The following ZFYVE28 variants were observed in gnomAD, a reference collection of about 807,000 sequenced individuals.
ZFYVE28 encodes lateral signaling target protein 2 homolog.
ZFYVE28 carries 40 observed loss-of-function variants against 82.1 expected under a neutral mutation model. That is an observed-to-expected ratio of 0.49 (90% CI 0.38 to 0.63). ZFYVE28 has a LOEUF of 0.63. ZFYVE28 is among the 30% of genes least tolerant of loss of function. The probability of loss-of-function intolerance (pLI) is 0.00; values close to 1 mark genes in which losing one functional copy is unlikely to be tolerated. For synonymous variants in ZFYVE28, 612 were observed against 546.1 expected, an observed-to-expected ratio of 1.12 and a Z score of -1.68; for missense variants, 1,321 against 1,242.1, an observed-to-expected ratio of 1.06 and a Z score of -0.96.
chr4:2,339,773 G>A lies in ZFYVE28; in HGVS notation c.319-118C>T. ...CCCCTCTTCTCACCCCACAGCACAG[G>A]CCAGCTCGTGTTCCCGGTCCCCGCA... On this transcript the variant is annotated intron_variant, in intron 3 of 12. Transcript: ENST00000290974. The surrounding 1 kb of genome is among the most constrained non-coding windows in gnomAD (Gnocchi z 5.0). The A allele has an allele frequency of 1.2e-6, 1 of 857,876 alleles. No individual in the cohort carries two copies. Among genetic ancestry groups the A allele is most frequent in the Non-Finnish European group, 1.8e-6 (1 of 570,108 alleles). The allele number at this position is 857,876 out of a possible 1,614,324, so 53.1% of individuals were successfully genotyped here.
chr4:2,294,119 T>C (rs1312795899), intron 8 of ZFYVE28, among the ~76,000 whole-genome samples: 1 of 149,828 alleles, frequency 6.7e-6, no homozygotes, highest in East Asian at 2.0e-4. Flanking sequence ...AAAATTCACA[T>C]GGAAACAGAA....
chr4:2,278,878 C>T (rs936735253), intron 8 of ZFYVE28, among the ~76,000 whole-genome samples: 1 of 148,944 alleles, frequency 6.7e-6, no homozygotes, highest in Admixed American at 6.7e-5. Context: ...CAGGAAATGC[C>T]AAAAAAATTA....
rs1418142851 is a variant in ZFYVE28 at position 2,320,050 on chromosome 4, C to T, written c.803+120G>A. 4 of 931,344 alleles carry T rather than the reference C, an allele frequency of 4.3e-6. No homozygotes were observed. The highest frequency in any genetic ancestry group is 6.6e-6 in the Non-Finnish European group (4 of 602,904). 57.7% of individuals were successfully genotyped at this position (931,344 alleles called of 1,614,324 possible). On this transcript the variant is annotated intron_variant, in intron 7 of 12. Coordinates refer to ENST00000290974, the MANE Select transcript of ZFYVE28 (RefSeq NM_020972.3). The surrounding 1 kb of genome is among the most constrained non-coding windows in gnomAD (Gnocchi z 5.1). ...CCCCTCCCTAGGGAATATTAACCAG[C>T]CCATCCTTCCTCACAGAGAGGAGGA...
Position 2,270,490 on chromosome 4 carries a change from C to T in ZFYVE28, c.*235G>A, listed in dbSNP as rs1735811517. On this transcript the variant is annotated 3_prime_UTR_variant, in exon 13 of 13. Coordinates refer to ENST00000290974, the MANE Select transcript of ZFYVE28 (RefSeq NM_020972.3). ...CCTGCCCTGAGGCAGCCACCAGGCTCCTCCGGGTCCCCTGCTGGGCAAAGC... is the reference window on the plus strand; with the variant it reads ...CCTGCCCTGAGGCAGCCACCAGGCTTCTCCGGGTCCCCTGCTGGGCAAAGC... 3 of 595,014 alleles carry T rather than the reference C, an allele frequency of 5.0e-6. No homozygotes were observed. The African/African-American group carries it at 5.6e-5, about 11-fold the overall frequency. 36.9% of individuals were successfully genotyped at this position (595,014 alleles called of 1,614,324 possible).
At position 2,273,314 on chromosome 4, in the gene ZFYVE28, C is replaced by T. The variant is rs199806419; in HGVS notation, c.2207-25G>A. 23 of 1,597,602 alleles carry T rather than the reference C, an allele frequency of 1.4e-5. No individual in the cohort carries two copies. The Admixed American group carries it at 3.7e-4, about 26-fold the overall frequency. ...CCTGAGGAAGGAAGGCCACAGTAAC[C>T]ACGACAGAAGGACGGATGGAAGGAA... On this transcript the variant is annotated intron_variant, in intron 9 of 12. Coordinates refer to ENST00000290974, the MANE Select transcript of ZFYVE28 (RefSeq NM_020972.3).
At position 2,305,169 on chromosome 4, in the gene ZFYVE28, G is replaced by C; in HGVS notation, c.1171C>G (p.Arg391Gly). 6.3e-7 allele frequency: 1 copy of C among 1,592,636 alleles called. No individual in the cohort carries two copies. The highest frequency in any genetic ancestry group is 1.3e-5 in the African/African-American group (1 of 74,718). The change falls in exon 8 of 13, where the codon CGG becomes GGG. Residue 391 changes from arginine (R) to glycine (G), a missense_variant. Physicochemically the swap from Arg to Gly is moderately radical, Grantham distance 125. Coordinates refer to ENST00000290974, the MANE Select transcript of ZFYVE28 (RefSeq NM_020972.3). The stretch of plus-strand genomic sequence containing the variant: ...CGCTCCTCCTCGTCACTGCCTGACC[G>C]CAGGCGCGGTCTACCTGGAGAGGCC... Reference protein sequence around the residue: ...GEASPGRPRLRSGSDEEERVF... With the variant: ...GEASPGRPRLGSGSDEEERVF...
At chr4:2,387,278 A>T (rs1245183438) in intron 1 of ZFYVE28, among the ~76,000 whole-genome samples, 2 of 152,220 alleles carry the variant, frequency 1.3e-5, no homozygotes, top group Non-Finnish European at 1.5e-5. Flanking sequence ...CCCCTCAGCC[A>T]GGGCCACCTC....
rs567469793 is a variant in ZFYVE28, at chr4:2,303,132, C to T, written c.2051+1157G>A. Among the ~76,000 whole-genome samples the T allele has an allele frequency of 2.5e-3, 375 of 152,270 alleles. 3 individuals carry two copies. The highest frequency in any genetic ancestry group is 7.0e-3 in the African/African-American group (292 of 41,554). ...GGAACCAGGCCCAGCCCACCCAGCC[C>T]GCAGCACAGGAAAGAGCTGCAGGGA... On this transcript the variant is annotated intron_variant, in intron 8 of 12. Coordinates refer to ENST00000290974, the MANE Select transcript of ZFYVE28 (RefSeq NM_020972.3).
intron 6 of ZFYVE28, among the ~76,000 whole-genome samples, chr4:2,327,215 A>C (rs1719961212): frequency 7.4e-6 from 1 of 135,024 alleles, no homozygotes; most frequent in Non-Finnish European, 1.6e-5. Flanking sequence ...GCACCACTGC[A>C]CTCCAGCCTG....
At chr4:2,385,525 A>T (rs774909790) in intron 1 of ZFYVE28, among the ~76,000 whole-genome samples, 1 of 152,208 alleles carries the variant, frequency 6.6e-6, no homozygotes, top group Non-Finnish European at 1.5e-5. Context: ...GCCAAGCAGC[A>T]AAGCGCCCCT....
At chr4:2,380,240 T>A (rs1424334216) in intron 1 of ZFYVE28, among the ~76,000 whole-genome samples, 10 of 152,226 alleles carry the variant, frequency 6.6e-5, no homozygotes, top group Admixed American at 6.5e-4. Context: ...AGCTGTTGTC[T>A]CTTTGGGTAA....
At chr4:2,358,520 A>T (rs985008130) in intron 1 of ZFYVE28, among the ~76,000 whole-genome samples, 2 of 152,158 alleles carry the variant, frequency 1.3e-5, no homozygotes, top group African/African-American at 4.8e-5. Context: ...GCCGACTCCC[A>T]CCTGCAGAAG....
At chr4:2,358,859 C>T (rs111945506) in intron 1 of ZFYVE28, among the ~76,000 whole-genome samples, 2,209 of 151,918 alleles carry the variant, frequency 0.015, 49 homozygotes, top group African/African-American at 0.051. Context: ...TAGAGTGCAG[C>T]GGTGTGATCA....
Position 2,311,280 on chromosome 4 carries a change from C to T in ZFYVE28, c.804-5744G>A, listed in dbSNP as rs952442203. The stretch of plus-strand genomic sequence containing the variant: ...ATGGCTCACGCTTATAATCCCAGCA[C>T]TTTGGGAGGCCAAGGTGGGCAGATC... On this transcript the variant is annotated intron_variant, in intron 7 of 12. Transcript: ENST00000290974. Among the ~76,000 whole-genome samples, 35 of 152,272 alleles carry T rather than the reference C, an allele frequency of 2.3e-4. 1 individual carries two copies. The highest frequency in any genetic ancestry group is 2.3e-3 in the Admixed American group (35 of 15,292).
At chr4:2,374,226 C>G (rs930951658) in intron 1 of ZFYVE28, among the ~76,000 whole-genome samples, 13 of 152,216 alleles carry the variant, frequency 8.5e-5, no homozygotes, top group Non-Finnish European at 1.6e-4. Flanking sequence ...AACCAGAACC[C>G]ATGCAGAGAT....
At chr4:2,281,504 G>T (rs968804596) in intron 8 of ZFYVE28, among the ~76,000 whole-genome samples, 1 of 152,126 alleles carries the variant, frequency 6.6e-6, no homozygotes, top group East Asian at 1.9e-4. Flanking sequence ...GGAAGGCATC[G>T]CATGGGCAAG....
chr4:2,270,608 G>A lies in ZFYVE28; in HGVS notation c.*117C>T, dbSNP rs896910135. The A allele has an allele frequency of 2.1e-6, 3 of 1,430,028 alleles. No individual in the cohort carries two copies. Among genetic ancestry groups the A allele is most frequent in the Non-Finnish European group, 2.9e-6 (3 of 1,044,184 alleles). The allele number at this position is 1,430,028 out of a possible 1,614,324, so 88.6% of individuals were successfully genotyped here. On this transcript the variant is annotated 3_prime_UTR_variant, in exon 13 of 13. Transcript: ENST00000290974. ...GGCTCTGGATGCTCTGGAGGTCTGG[G>A]TGCCCCTGCAGCAGCGGCAGCGGCC...
In ZFYVE28 at chr4:2,377,616, G is replaced by C. The variant is rs67762343; in HGVS notation, c.40-23543C>G. On this transcript the variant is annotated intron_variant, in intron 1 of 12. Transcript: ENST00000290974. ...CGGGGCTGCCAGTCGCCTTCCCGCC[G>C]CACTGTGGGCTCATTCTCTATCTTG... Among the ~76,000 whole-genome samples the C allele has an allele frequency of 8.5e-5, 13 of 152,226 alleles. No homozygotes were observed. In the East Asian group the frequency reaches 2.5e-3, roughly 29 times the overall value.
intron 2 of ZFYVE28, chr4:2,342,527 G>A (rs1722976023): frequency 6.6e-6 from 1 of 152,188 alleles, no homozygotes; most frequent in African/African-American, 2.4e-5. Flanking sequence ...CCGAGCGGCT[G>A]GGATTACCAG....
Sources: allele counts gnomAD v4.1 joint callset (sites outside exome capture counted in the v4.1 genomes callset), GRCh38; gene constraint gnomAD v4.1.1; non-coding constraint Gnocchi (gnomAD v3.1); transcripts MANE v1.5; gene names NCBI Gene and HGNC (gene_info 2026-07-23, HGNC 2026-07-21).